The following MYO1E variants were observed in gnomAD, a reference collection of about 807,000 sequenced individuals.
MYO1E encodes the protein unconventional myosin-Ie.
A neutral mutation model predicts 151.1 loss-of-function variants in MYO1E; 68 were observed. That is an observed-to-expected ratio of 0.45 (90% CI 0.37 to 0.55). The LOEUF (loss-of-function observed/expected upper bound fraction) is 0.55, where lower values mean the gene tolerates loss of function less well. MYO1E is among the 20% of genes least tolerant of loss of function. The pLI is 0.00. For missense variants in MYO1E, 1,363 were observed against 1,389.3 expected, an observed-to-expected ratio of 0.98 and a Z score of 0.30; for synonymous variants, 601 against 501.7, an observed-to-expected ratio of 1.20 and a Z score of -2.64.
intron 9 of MYO1E, 97 bp from the exon 10 acceptor site, chr15:59,218,184 T>C (rs774445219): frequency 1.4e-6 from 2 of 1,422,022 alleles, no homozygotes; most frequent in South Asian, 2.3e-5. Context: ...CACATGCACG[T>C]GTGTGTGCAT....
intron 1 of MYO1E, among the ~76,000 whole-genome samples, chr15:59,363,814 C>T (rs2080898580): frequency 6.6e-6 from 1 of 152,172 alleles, no homozygotes; most frequent in Non-Finnish European, 1.5e-5. Flanking sequence ...CTTGCTCTGT[C>T]GCCCAGACTG....
chr15:59,330,321 C>G, intron 1 of MYO1E, among the ~76,000 whole-genome samples: 1 of 152,162 alleles, frequency 6.6e-6, no homozygotes, highest in East Asian at 1.9e-4. Context: ...AGGTAAACTT[C>G]CCTCTCCTCA....
At chr15:59,204,080 T>C (rs2079818219) in intron 15 of MYO1E, among the ~76,000 whole-genome samples, 1 of 152,198 alleles carries the variant, frequency 6.6e-6, no homozygotes, top group African/African-American at 2.4e-5. Flanking sequence ...TTTTAATAAT[T>C]TTTTAAAAAC....
At chr15:59,237,577 A>C (rs2080074365) in intron 4 of MYO1E, among the ~76,000 whole-genome samples, 1 of 152,252 alleles carries the variant, frequency 6.6e-6, no homozygotes, top group African/African-American at 2.4e-5. Flanking sequence ...CATATCATAT[A>C]AAATGATGGT....
At chr15:59,248,476 G>C (rs1387779630) in intron 4 of MYO1E, among the ~76,000 whole-genome samples, 1 of 98,228 alleles carries the variant, frequency 1.0e-5, no homozygotes, top group African/African-American at 4.2e-5. Flanking sequence ...GACAGGGTGA[G>C]ACTCCATCTC....
At chr15:59,321,802 A>G (rs1388640010) in intron 1 of MYO1E, among the ~76,000 whole-genome samples, 5 of 152,084 alleles carry the variant, frequency 3.3e-5, no homozygotes, top group Non-Finnish European at 7.4e-5. Flanking sequence ...TCTTGAGCCC[A>G]GGAGGTTGAG....
Position 59,163,274 on chromosome 15 carries a change from T to A in MYO1E, c.2510A>T (p.His837Leu). The A allele has an allele frequency of 6.2e-7, 1 of 1,613,914 alleles. No individual in the cohort carries two copies. Among genetic ancestry groups the A allele is most frequent in the African/African-American group, 1.3e-5 (1 of 75,062 alleles). Reference sequence around the variant, plus strand: ...AAGCAAACTGTCATACTCTTGCTCATGGAGAATAAAAATGTCATCCTGCAT... The same window carrying A: ...AAGCAAACTGTCATACTCTTGCTCAAGGAGAATAAAAATGTCATCCTGCAT... ...STMQDDIFIL[H>L]EQEYDSLLES... The change falls in exon 23 of 28, where the codon CAT (histidine) becomes CTT (leucine). Residue 837 changes from histidine (H) to leucine (L), a missense_variant. Coordinates refer to ENST00000288235, the MANE Select transcript of MYO1E (RefSeq NM_004998.4).
chr15:59,330,860 C>G (rs932179542), intron 1 of MYO1E, among the ~76,000 whole-genome samples: 3 of 152,130 alleles, frequency 2.0e-5, no homozygotes, highest in Non-Finnish European at 2.9e-5. Context: ...CTTTGACCTC[C>G]CAACCTCAGA....
chr15:59,258,530 C>A (rs1193443171), intron 3 of MYO1E, among the ~76,000 whole-genome samples: 1 of 152,182 alleles, frequency 6.6e-6, no homozygotes, highest in Admixed American at 6.5e-5. Context: ...GTTTATACAT[C>A]TGGTTAGGCT....
Position 59,195,502 on chromosome 15 carries a change from C to T in MYO1E, c.1764G>A (p.Lys588=). The T allele has an allele frequency of 6.2e-7, 1 of 1,614,176 alleles. No homozygotes were observed. Among genetic ancestry groups the T allele is most frequent in the Non-Finnish European group, 8.5e-7 (1 of 1,180,042 alleles). ...CTCTGGGCTTCTTGGTTTCGTTTGG[C>T]TTGATGCAGCGAATGTAGTGGGGCG... ...KCTPHYIRCI[K]PNETKKPRDW... The change falls in exon 17 of 28, where the codon AAG becomes AAA. Residue 588 remains lysine (K), a synonymous_variant. Transcript: ENST00000288235.
chr15:59,165,243 G>A (rs1256128157), intron 22 of MYO1E, among the ~76,000 whole-genome samples: 3 of 152,304 alleles, frequency 2.0e-5, no homozygotes, highest in Admixed American at 6.5e-5. Flanking sequence ...ATGGCAGTAC[G>A]CGCAAACCAT....
chr15:59,277,564 A>AAAAAAAAAAAAAAAAAAAC (rs1555416379), intron 1 of MYO1E, among the ~76,000 whole-genome samples: 1 of 139,794 alleles, frequency 7.2e-6, no homozygotes, highest in African/African-American at 2.8e-5. Context: ...AAAAAAAAAA[A>AAAAAAAAAAAAAAAAAAAC]AAAAAAAAAC....
At chr15:59,165,397 G>GT (rs1416674081) in intron 22 of MYO1E, among the ~76,000 whole-genome samples, 2 of 152,138 alleles carry the variant, frequency 1.3e-5, no homozygotes, top group Non-Finnish European at 2.9e-5. Context: ...CCTTTACAGT[G>GT]TTTTTTGGAC....
At chr15:59,283,574 G>A (rs1356324827) in intron 1 of MYO1E, among the ~76,000 whole-genome samples, 6 of 152,190 alleles carry the variant, frequency 3.9e-5, no homozygotes, top group Non-Finnish European at 7.3e-5. Context: ...CAGCCCCCAA[G>A]TATTTGTTGA....
At chr15:59,171,750 T>G in intron 22 of MYO1E, 147 bp downstream of exon 22, 1 of 1,118,650 alleles carries the variant, frequency 8.9e-7, no homozygotes, top group Non-Finnish European at 1.3e-6. Flanking sequence ...GAGTCTTCCC[T>G]TTGGGACAAA....
rs564828416 is a variant in MYO1E, at chr15:59,219,298, C to T, written c.911-1211G>A. On this transcript the variant is annotated intron_variant, in intron 9 of 27. Transcript: ENST00000288235. ...CCATTCTTTGACATGAAAGAATGCT[C>T]AGATTTTTCCAATATGAATGAAAGA... 5.9e-5 allele frequency among the ~76,000 whole-genome samples: 9 copies of T among 152,296 alleles called. No individual in the cohort carries two copies. The South Asian group carries it at 8.3e-4, about 14-fold the overall frequency.
At chr15:59,161,047 G>A (rs762106954) in intron 24 of MYO1E, 26 bp downstream of exon 24, 3 of 1,612,276 alleles carry the variant, frequency 1.9e-6, no homozygotes, top group Non-Finnish European at 1.7e-6. Flanking sequence ...CGGCAGTTCT[G>A]CCTGCAGGGC....
chr15:59,372,240 G>C (rs2080950597), intron 1 of MYO1E, among the ~76,000 whole-genome samples: 1 of 152,242 alleles, frequency 6.6e-6, no homozygotes, highest in Non-Finnish European at 1.5e-5. Flanking sequence ...ACAGCTGGCA[G>C]CCATAGCAAC....
At chr15:59,138,028 A>C (rs1382167707) in intron 27 of MYO1E, among the ~76,000 whole-genome samples, 170 bp downstream of exon 27, 2 of 152,180 alleles carry the variant, frequency 1.3e-5, no homozygotes, top group African/African-American at 4.8e-5. Context: ...AGCTGAAAGA[A>C]GCATTAAAAA....
Sources: allele counts gnomAD v4.1 joint callset (sites outside exome capture counted in the v4.1 genomes callset), GRCh38; gene constraint gnomAD v4.1.1; transcripts MANE v1.5; gene names NCBI Gene and HGNC (gene_info 2026-07-23, HGNC 2026-07-21).